Variants in TMOD2 observed in about 807,000 individuals in gnomAD.
The protein encoded by TMOD2 is tropomodulin 2.
Under a neutral mutation model 39.9 loss-of-function variants are expected in TMOD2, and 22 were observed. That is an observed-to-expected ratio of 0.55 (90% CI 0.39 to 0.79). TMOD2 has a LOEUF of 0.79. TMOD2 is among the 30% of genes least tolerant of loss of function. TMOD2 has a pLI of 0.00. For synonymous variants in TMOD2, 123 were observed against 146.1 expected (o/e 0.84, Z 1.14); for missense variants, 386 against 413.3 (o/e 0.93, Z 0.57).
In TMOD2 at chr15:51,812,070, C is replaced by T. The variant is rs961271873; in HGVS notation, c.*3616C>T. 3 of 152,020 alleles carry T rather than the reference C, an allele frequency of 2.0e-5. No individual in the cohort carries two copies. Among genetic ancestry groups the T allele is most frequent in the African/African-American group, 7.3e-5 (3 of 41,370 alleles). The allele number at this position is 152,020 out of a possible 1,614,324, so 9.4% of individuals were successfully genotyped here. On this transcript the variant is annotated 3_prime_UTR_variant, in exon 10 of 10. Transcript: ENST00000249700. ...ACCATAATGGGGTATTTGGCTTCATCTGGAAAATTGACTGGAGGGAGATGC... is the reference window on the plus strand; with the variant it reads ...ACCATAATGGGGTATTTGGCTTCATTTGGAAAATTGACTGGAGGGAGATGC...
In TMOD2 at chr15:51,781,134, A is replaced by G; in HGVS notation, c.584A>G (p.Asn195Ser). The change falls in exon 6 of 10, where the codon AAT (asparagine) becomes AGT (serine). Residue 195 changes from asparagine (N) to serine (S), a missense_variant. Physicochemically the swap from Asn to Ser is conservative, Grantham distance 46. Transcript: ENST00000249700. ...ATAAGCCTGCAGCAGATGAAAGCCA[A>G]TGATCCTAGCTTGCAAGAAGTCAAC... ...VEISLQQMKA[N>S]DPSLQEVNLN... is the part of the protein sequence containing the mutation. 1 of 1,612,758 alleles carries G rather than the reference A, an allele frequency of 6.2e-7. No homozygotes were observed. Among genetic ancestry groups the G allele is most frequent in the Non-Finnish European group, 8.5e-7 (1 of 1,179,684 alleles).
intron 7 of TMOD2, among the ~76,000 whole-genome samples, chr15:51,787,940 G>A (rs148430959): frequency 2.0e-5 from 3 of 152,234 alleles, no homozygotes; most frequent in East Asian, 1.9e-4. Context: ...AAACCAGAAC[G>A]CCTCTTCTCC....
chr15:51,808,589 A>T lies in TMOD2; in HGVS notation c.*135A>T. 1 of 567,278 alleles carries T rather than the reference A, an allele frequency of 1.8e-6. No individual in the cohort carries two copies. The highest frequency in any genetic ancestry group is 3.0e-6 in the Non-Finnish European group (1 of 338,202). The allele number at this position is 567,278 out of a possible 1,614,324, so 35.1% of individuals were successfully genotyped here. On this transcript the variant is annotated 3_prime_UTR_variant, in exon 10 of 10. Transcript: ENST00000249700. ...CCACATAACTAATAATTTAATTGTT[A>T]TTCTTTTTTAGCACTACTTATTTAT...
At position 51,782,994 on chromosome 15, in the gene TMOD2, A is replaced by G. The variant is rs537119588; in HGVS notation, c.732+166A>G. ...TGCAATAGTTAAACTTCAGAACTGAACTGTCAGATGCTTTAAGTTATCTGG... is the reference window on the plus strand; with the variant it reads ...TGCAATAGTTAAACTTCAGAACTGAGCTGTCAGATGCTTTAAGTTATCTGG... On this transcript the variant is annotated intron_variant, in intron 7 of 9. Transcript: ENST00000249700. 11 of 600,414 alleles carry G rather than the reference A, an allele frequency of 1.8e-5. No individual in the cohort carries two copies. In the South Asian group the frequency reaches 2.0e-4, roughly 11 times the overall value. 37.2% of individuals were successfully genotyped at this position (600,414 alleles called of 1,614,324 possible). A position where few individuals can be genotyped will look rare whatever the true frequency, so the allele number is the denominator to read the frequency against.
At chr15:51,780,779 G>A (rs1254941326) in intron 5 of TMOD2, among the ~76,000 whole-genome samples, 9 of 152,178 alleles carry the variant, frequency 5.9e-5, no homozygotes, top group Admixed American at 5.2e-4. Context: ...GAAAGTTGGA[G>A]TTTGCTGCAG....
Position 51,808,408 on chromosome 15 carries a change from T to C in TMOD2, c.1022-12T>C. Reference sequence around the variant, plus strand: ...TTCAATTTGTCTTTTTGTTCCTTTCTTTCTTACCTAGTTCGTAAGAAGAGA... The same window carrying C: ...TTCAATTTGTCTTTTTGTTCCTTTCCTTCTTACCTAGTTCGTAAGAAGAGA... On this transcript the variant is annotated splice_polypyrimidine_tract_variant and intron_variant, in intron 9 of 9. Coordinates refer to ENST00000249700, the MANE Select transcript of TMOD2 (RefSeq NM_014548.4). 2 of 1,609,296 alleles carry C rather than the reference T, an allele frequency of 1.2e-6. No individual in the cohort carries two copies. Among genetic ancestry groups the C allele is most frequent in the Non-Finnish European group, 1.7e-6 (2 of 1,177,466 alleles).
chr15:51,786,097 A>G (rs1038671900), intron 7 of TMOD2, among the ~76,000 whole-genome samples: 2 of 152,106 alleles, frequency 1.3e-5, no homozygotes, highest in African/African-American at 4.8e-5. Flanking sequence ...TGATTTTGCT[A>G]CTGTTTTCTG....
intron 3 of TMOD2, among the ~76,000 whole-genome samples, chr15:51,770,251 C>T (rs931962222): frequency 3.3e-5 from 5 of 152,118 alleles, no homozygotes; most frequent in Admixed American, 6.5e-5. Context: ...TTCCTTCTGA[C>T]GCATGTCCCC....
chr15:51,797,114 A>C (rs12903707), intron 7 of TMOD2, among the ~76,000 whole-genome samples: 72,727 of 152,128 alleles, frequency 0.48, 17,679 homozygotes, highest in Admixed American at 0.54. Flanking sequence ...TTTCCCACTG[A>C]GGTTGACAGC....
intron 1 of TMOD2, among the ~76,000 whole-genome samples, chr15:51,755,728 T>C (rs2055737206): frequency 1.3e-5 from 2 of 152,080 alleles, no homozygotes; most frequent in African/African-American, 4.8e-5. Flanking sequence ...TTGCTAAATG[T>C]TTTGCACATC....
rs537503473 is a variant in TMOD2 at position 51,785,139 on chromosome 15, G to A, written c.732+2311G>A. The stretch of plus-strand genomic sequence containing the variant: ...AAAGAATACTTTATTTGGGCCGGGC[G>A]CGGTGGCTCACGCCTGTAATCCCAG... On this transcript the variant is annotated intron_variant, in intron 7 of 9. Transcript: ENST00000249700. Among the ~76,000 whole-genome samples the A allele has an allele frequency of 1.2e-3, 187 of 152,270 alleles. 2 individuals carry two copies. Among genetic ancestry groups the A allele is most frequent in the Admixed American group, 0.01 (154 of 15,302 alleles).
chr15:51,771,168 A>C (rs2055851308), intron 3 of TMOD2, among the ~76,000 whole-genome samples: 1 of 152,192 alleles, frequency 6.6e-6, no homozygotes, highest in Non-Finnish European at 1.5e-5. Flanking sequence ...GTAGCTTAGG[A>C]GAAGGTTGAG....
intron 1 of TMOD2, among the ~76,000 whole-genome samples, chr15:51,762,701 C>T (rs1423765524): frequency 1.3e-5 from 2 of 152,118 alleles, no homozygotes; most frequent in Non-Finnish European, 2.9e-5. Flanking sequence ...CTCTCATCAG[C>T]CCCTCCCACC....
At position 51,811,622 on chromosome 15, in the gene TMOD2, C is replaced by A. The variant is rs6493523; in HGVS notation, c.*3168C>A. On this transcript the variant is annotated 3_prime_UTR_variant, in exon 10 of 10. Coordinates refer to ENST00000249700, the MANE Select transcript of TMOD2 (RefSeq NM_014548.4). ...CCTCATCAGCATGATTAAATGACTT[C>A]GTTTCTTTCATCTTTGGAGGGTATA... 0.45 allele frequency: 67,960 copies of A among 152,110 alleles called. 15,467 individuals carry two copies. The highest frequency in any genetic ancestry group is 0.53 in the Admixed American group (8,092 of 15,278). The allele number at this position is 152,110 out of a possible 1,614,324, so 9.4% of individuals were successfully genotyped here. A position where few individuals can be genotyped will look rare whatever the true frequency, so the allele number is the denominator to read the frequency against.
At chr15:51,768,551 A>T in intron 3 of TMOD2, 133 bp downstream of exon 3, 2 of 951,104 alleles carry the variant, frequency 2.1e-6, no homozygotes, top group South Asian at 3.6e-5. Flanking sequence ...ACTGTCCCAG[A>T]CATGGGAAAT....
In TMOD2 at chr15:51,782,880, C is replaced by T. The variant is rs2055940951; in HGVS notation, c.732+52C>T. On this transcript the variant is annotated intron_variant, in intron 7 of 9. Coordinates refer to ENST00000249700, the MANE Select transcript of TMOD2 (RefSeq NM_014548.4). ...ATGAAGTTATTTAATTCACTGGAAA[C>T]TCTATTTACTTTGTTTCATTAGCTA... 4 of 1,526,806 alleles carry T rather than the reference C, an allele frequency of 2.6e-6. No homozygotes were observed. In the East Asian group the frequency reaches 9.0e-5, roughly 34 times the overall value. 94.6% of individuals were successfully genotyped at this position (1,526,806 alleles called of 1,614,324 possible). A position where few individuals can be genotyped will look rare whatever the true frequency, so the allele number is the denominator to read the frequency against.
At position 51,792,253 on chromosome 15, in the gene TMOD2, T is replaced by C. The variant is rs189964953; in HGVS notation, c.733-5944T>C. Among the ~76,000 whole-genome samples the C allele has an allele frequency of 3.0e-3, 461 of 152,130 alleles. 3 individuals are homozygous for C. Among genetic ancestry groups the C allele is most frequent in the African/African-American group, 0.011 (440 of 41,532 alleles). On this transcript the variant is annotated intron_variant, in intron 7 of 9. Coordinates refer to ENST00000249700, the MANE Select transcript of TMOD2 (RefSeq NM_014548.4). ...AAGACATTTATGCAGCCAACAGACA[T>C]ATGAAAAAATGCTCATCATCACTGG...
rs1047581590 is a variant in TMOD2 at position 51,809,443 on chromosome 15, C to T, written c.*989C>T. On this transcript the variant is annotated 3_prime_UTR_variant, in exon 10 of 10. Transcript: ENST00000249700. ...GGTTAATTATCTAGATTTTTGTCCA[C>T]AGTATATGATCCATCCAGACATTTG... 1.3e-5 allele frequency: 2 copies of T among 152,442 alleles called. No homozygotes were observed. Among genetic ancestry groups the T allele is most frequent in the African/African-American group, 2.4e-5 (1 of 41,424 alleles). 9.4% of individuals were successfully genotyped at this position (152,442 alleles called of 1,614,324 possible).
At chr15:51,786,594 A>G (rs1167578548) in intron 7 of TMOD2, among the ~76,000 whole-genome samples, 1 of 152,226 alleles carries the variant, frequency 6.6e-6, no homozygotes, top group Non-Finnish European at 1.5e-5. Context: ...AAGAAGTTGA[A>G]TGCTGAACTA....
Sources: gnomAD v4.1 joint callset for allele counts (sites outside exome capture counted in the v4.1 genomes callset) on GRCh38, gnomAD v4.1.1 for gene constraint, MANE v1.5 for transcripts, NCBI Gene and HGNC (gene_info 2026-07-23, HGNC 2026-07-21) for gene names.